Variants in SLC4A4 observed in about 807,000 individuals in gnomAD.
SLC4A4 encodes the protein electrogenic sodium bicarbonate cotransporter 1.
Under a neutral mutation model 111.5 loss-of-function variants are expected in SLC4A4, and 27 were observed. That is an observed-to-expected ratio of 0.24 (90% CI 0.18 to 0.33). The LOEUF is 0.33. Among genes scored for constraint, SLC4A4 ranks in the 10% least tolerant of loss-of-function variants. The pLI, the probability that SLC4A4 is intolerant of heterozygous loss-of-function variation, is 1.00. For missense variants in SLC4A4, 909 were observed against 1,315.5 expected, an observed-to-expected ratio of 0.69 and a Z score of 4.78; for synonymous variants, 443 against 463.4, an observed-to-expected ratio of 0.96 and a Z score of 0.57.
chr4:71,355,830 C>T (rs1730237215), intron 5 of SLC4A4, among the ~76,000 whole-genome samples: 1 of 152,214 alleles, frequency 6.6e-6, no homozygotes, highest in Non-Finnish European at 1.5e-5. Context: ...TACCAGTACC[C>T]ATCAATTTTC....
chr4:71,325,951 C>T (rs894353889), intron 3 of SLC4A4, among the ~76,000 whole-genome samples: 5 of 151,702 alleles, frequency 3.3e-5, no homozygotes, highest in Admixed American at 1.3e-4. Flanking sequence ...TAGTTATTCT[C>T]ATTTCTTTTA....
chr4:71,292,282 G>A (rs1434762698), intron 3 of SLC4A4, among the ~76,000 whole-genome samples: 1 of 152,062 alleles, frequency 6.6e-6, no homozygotes, highest in East Asian at 1.9e-4. Flanking sequence ...AAAGAATGAA[G>A]GTAAAGAAAA....
rs1293008959 is a variant in SLC4A4, at chr4:71,517,407, T to C, written c.2167-14655T>C. ...TTGCATTTCTTAATTTTCTTAATTA[T>C]ATTTTTTGGCTCCAGAATTTCTATT... On this transcript the variant is annotated intron_variant, in intron 16 of 25. Coordinates refer to ENST00000264485, the MANE Select transcript of SLC4A4 (RefSeq NM_001098484.3). Among the ~76,000 whole-genome samples, 6 of 152,086 alleles carry C rather than the reference T, an allele frequency of 3.9e-5. No individual in the cohort carries two copies. The South Asian group carries it at 1.0e-3, about 26-fold the overall frequency.
chr4:71,106,956 A>G (rs192079066), intron 2 of SLC4A4, among the ~76,000 whole-genome samples: 2,016 of 151,522 alleles, frequency 0.013, 60 homozygotes, highest in African/African-American at 0.046. Flanking sequence ...AATAAGAAAA[A>G]AAAGTCTGTA....
intron 13 of SLC4A4, among the ~76,000 whole-genome samples, chr4:71,467,160 G>A (rs903171200): frequency 1.3e-5 from 2 of 151,998 alleles, no homozygotes; most frequent in Non-Finnish European, 2.9e-5. Flanking sequence ...GTTAGTAGTG[G>A]CTTCCTGCTG....
intron 22 of SLC4A4, among the ~76,000 whole-genome samples, chr4:71,559,716 T>A (rs1403657236): frequency 6.6e-6 from 1 of 151,904 alleles, no homozygotes. Context: ...GATGTTTTAA[T>A]TTTTAATACT....
At chr4:71,285,710 T>C (rs1173075040) in intron 3 of SLC4A4, among the ~76,000 whole-genome samples, 1 of 152,182 alleles carries the variant, frequency 6.6e-6, no homozygotes, top group Non-Finnish European at 1.5e-5. Context: ...ATTGAAAAGA[T>C]GCATTTAAAG....
intron 3 of SLC4A4, among the ~76,000 whole-genome samples, chr4:71,325,509 T>C (rs1006952126): frequency 1.3e-5 from 2 of 151,990 alleles, no homozygotes; most frequent in Admixed American, 1.3e-4. Flanking sequence ...TTCTGAGTTA[T>C]TACATGTTTA....
At chr4:71,210,068 G>A (rs962974357) in intron 1 of SLC4A4, among the ~76,000 whole-genome samples, 7 of 152,186 alleles carry the variant, frequency 4.6e-5, no homozygotes, top group African/African-American at 1.7e-4. Flanking sequence ...CTGCCATGCT[G>A]GCAATGATAT....
chr4:71,107,300 C>T (rs771620559), intron 2 of SLC4A4, among the ~76,000 whole-genome samples: 1 of 151,976 alleles, frequency 6.6e-6, no homozygotes, highest in Non-Finnish European at 1.5e-5. Flanking sequence ...TCTTTTTTGT[C>T]CTTCATTTCC....
intron 2 of SLC4A4, among the ~76,000 whole-genome samples, chr4:71,177,196 A>T (rs1745122538): frequency 6.6e-6 from 1 of 152,354 alleles, no homozygotes; most frequent in South Asian, 2.1e-4. Flanking sequence ...CATGGAAAGG[A>T]ATAACCAGTA....
intron 2 of SLC4A4, among the ~76,000 whole-genome samples, chr4:71,160,411 CT>C (rs1304322971): frequency 6.6e-6 from 1 of 151,576 alleles, no homozygotes; most frequent in Non-Finnish European, 1.5e-5. Flanking sequence ...CATTTGGGTA[CT>C]TGATAAAATT....
At chr4:71,345,331 T>G (rs1434115490) in intron 4 of SLC4A4, among the ~76,000 whole-genome samples, 2 of 152,118 alleles carry the variant, frequency 1.3e-5, no homozygotes, top group Non-Finnish European at 2.9e-5. Context: ...CCCAAATTCT[T>G]TATTCATTTG....
At chr4:71,380,118 A>C (rs935156119) in intron 6 of SLC4A4, among the ~76,000 whole-genome samples, 1 of 152,228 alleles carries the variant, frequency 6.6e-6, no homozygotes, top group Non-Finnish European at 1.5e-5. Context: ...AGACACAGTG[A>C]CATGAGGGAA....
chr4:71,557,359 C>T (rs1335419156), intron 21 of SLC4A4, among the ~76,000 whole-genome samples: 1 of 151,842 alleles, frequency 6.6e-6, no homozygotes, highest in African/African-American at 2.4e-5. Flanking sequence ...AGACATCTTC[C>T]TTCAGCATAT....
At chr4:71,533,101 C>G (rs1050420108) in intron 17 of SLC4A4, among the ~76,000 whole-genome samples, 5 of 152,046 alleles carry the variant, frequency 3.3e-5, no homozygotes, top group Non-Finnish European at 4.4e-5. Flanking sequence ...AATTATTAAG[C>G]TAGTTGCAGT....
At chr4:71,556,119 GT>G (rs1370524675) in intron 21 of SLC4A4, among the ~76,000 whole-genome samples, 12 of 151,890 alleles carry the variant, frequency 7.9e-5, no homozygotes, top group African/African-American at 2.7e-4. Flanking sequence ...GATTAATTTG[GT>G]TTTAAAGTCA....
At chr4:71,109,767 C>T (rs1351303942) in intron 2 of SLC4A4, among the ~76,000 whole-genome samples, 1 of 151,958 alleles carries the variant, frequency 6.6e-6, no homozygotes, top group Non-Finnish European at 1.5e-5. Flanking sequence ...GGTCTCGAAA[C>T]CCTGACCCCA....
chr4:71,097,256 C>T (rs1240936800), intron 2 of SLC4A4, among the ~76,000 whole-genome samples: 1 of 152,132 alleles, frequency 6.6e-6, no homozygotes, highest in Non-Finnish European at 1.5e-5. Flanking sequence ...CTCCCAGTTA[C>T]AAGTGAGGAC....
Sources: gnomAD v4.1 joint callset for allele counts (sites outside exome capture counted in the v4.1 genomes callset) on GRCh38, gnomAD v4.1.1 for gene constraint, MANE v1.5 for transcripts, NCBI Gene and HGNC (gene_info 2026-07-23, HGNC 2026-07-21) for gene names.